Variants in PXDNL observed in about 807,000 individuals in gnomAD.
The protein encoded by PXDNL is probable oxidoreductase PXDNL.
Under a neutral mutation model 150.8 loss-of-function variants are expected in PXDNL, and 145 were observed. The observed-to-expected ratio is 0.96, with a 90% CI of 0.84 to 1.10. The LOEUF (loss-of-function observed/expected upper bound fraction) is 1.10. PXDNL is among the 50% of genes least tolerant of loss of function. The pLI is 0.00. For missense variants in PXDNL, 2,087 were observed against 1,873.9 expected, an observed-to-expected ratio of 1.11 and a Z score of -2.10; for synonymous variants, 757 against 725.7, an observed-to-expected ratio of 1.04 and a Z score of -0.69.
chr8:51,426,711 C>T lies in PXDNL; in HGVS notation c.1573G>A (p.Gly525Arg), dbSNP rs749284191. 6 of 1,607,376 alleles carry T rather than the reference C, an allele frequency of 3.7e-6. No individual in the cohort carries two copies. The highest frequency in any genetic ancestry group is 5.1e-6 in the Non-Finnish European group (6 of 1,176,382). ...TGACATGAAATGTTTATATTCTTTC[C>T]AACCTCGACACTTGTATCCTGAGGA... is the stretch of plus-strand genomic sequence containing the variant. ...QLPQDTSVEV[G>R]KNINISCHAQ... The change falls in exon 13 of 23, where the codon GGA (glycine) becomes AGA (arginine). Residue 525 changes from glycine to arginine, a missense_variant. Transcript: ENST00000356297.
At chr8:51,666,356 C>T (rs1450988339) in intron 1 of PXDNL, among the ~76,000 whole-genome samples, 3 of 152,130 alleles carry the variant, frequency 2.0e-5, no homozygotes, top group African/African-American at 7.2e-5. Flanking sequence ...CAATTCCATC[C>T]ACTGTTTGGT....
At chr8:51,590,938 G>A (rs1395652998) in intron 3 of PXDNL, among the ~76,000 whole-genome samples, 4 of 152,174 alleles carry the variant, frequency 2.6e-5, no homozygotes, top group African/African-American at 9.7e-5. Flanking sequence ...CGAAGAGGCA[G>A]AATGCTACAG....
At chr8:51,399,543 G>A (rs547248432) in intron 17 of PXDNL, among the ~76,000 whole-genome samples, 3 of 152,300 alleles carry the variant, frequency 2.0e-5, no homozygotes, top group African/African-American at 7.2e-5. Context: ...TACAGTGAGA[G>A]GAATCCAATA....
intron 1 of PXDNL, among the ~76,000 whole-genome samples, chr8:51,787,804 A>G (rs1430292434): frequency 6.6e-6 from 1 of 152,248 alleles, no homozygotes; most frequent in Non-Finnish European, 1.5e-5. Context: ...GTAAAATGCT[A>G]TCAGACAGCC....
chr8:51,637,254 A>C (rs1351790584), intron 2 of PXDNL, among the ~76,000 whole-genome samples: 1 of 152,198 alleles, frequency 6.6e-6, no homozygotes, highest in Non-Finnish European at 1.5e-5. Context: ...TGGGGAAAAA[A>C]ACAGAGCAGA....
chr8:51,645,724 A>T (rs759635798), intron 2 of PXDNL, among the ~76,000 whole-genome samples: 29 of 152,246 alleles, frequency 1.9e-4, no homozygotes, highest in Non-Finnish European at 3.7e-4. Flanking sequence ...GGAGAAATTT[A>T]CAGGAGGAGC....
At chr8:51,739,589 A>G (rs2036881520) in intron 1 of PXDNL, among the ~76,000 whole-genome samples, 1 of 152,150 alleles carries the variant, frequency 6.6e-6, no homozygotes, top group African/African-American at 2.4e-5. Flanking sequence ...TAAGATAAAT[A>G]CACAAAAATC....
intron 3 of PXDNL, among the ~76,000 whole-genome samples, chr8:51,583,597 T>C (rs1223498728): frequency 6.6e-6 from 1 of 152,186 alleles, no homozygotes; most frequent in Non-Finnish European, 1.5e-5. Flanking sequence ...AAATGAATAA[T>C]GTTCCTCTAC....
intron 19 of PXDNL, among the ~76,000 whole-genome samples, chr8:51,364,888 C>G (rs1806866680): frequency 6.6e-6 from 1 of 152,134 alleles, no homozygotes; most frequent in South Asian, 2.1e-4. Flanking sequence ...ATGATAGGCT[C>G]TTATAGCAGA....
rs1563307071 is a variant in PXDNL at position 51,744,059 on chromosome 8, AAGGAAGGAAGGAAG to A, written c.164+65108_164+65121del. Among the ~76,000 whole-genome samples, 454 of 71,112 alleles carry A rather than the reference AAGGAAGGAAGGAAG, an allele frequency of 6.4e-3. 20 individuals are homozygous for A. Among genetic ancestry groups the A allele is most frequent in the Non-Finnish European group, 1.0e-2 (316 of 31,702 alleles). 46.7% of individuals were successfully genotyped at this position (71,112 alleles called of 152,430 possible). A position where few individuals can be genotyped will look rare whatever the true frequency, so the allele number is the denominator to read the frequency against. On this transcript the variant is annotated intron_variant, in intron 1 of 22. Transcript: ENST00000356297. ...GAAGGAAGGAAGGAAGGAAGGAAGG[AAGGAAGGAAGGAAG>A]GAAGGAAGGAAGGAAGGAAGGAAAG...
intron 17 of PXDNL, among the ~76,000 whole-genome samples, chr8:51,403,624 T>C (rs914938425): frequency 6.6e-6 from 1 of 152,214 alleles, no homozygotes; most frequent in Non-Finnish European, 1.5e-5. Context: ...ACCCTACTTC[T>C]CATGTATCTC....
intron 1 of PXDNL, among the ~76,000 whole-genome samples, chr8:51,689,008 C>T (rs939057553): frequency 6.6e-6 from 1 of 152,158 alleles, no homozygotes; most frequent in African/African-American, 2.4e-5. Context: ...GTCTCCCTTG[C>T]CACGCCATTA....
At chr8:51,352,788 C>T (rs1205340214) in intron 19 of PXDNL, among the ~76,000 whole-genome samples, 1 of 152,132 alleles carries the variant, frequency 6.6e-6, no homozygotes, top group Admixed American at 6.5e-5. Flanking sequence ...AGAGTGAAAT[C>T]ATGTCTTTTT....
intron 1 of PXDNL, among the ~76,000 whole-genome samples, chr8:51,762,024 A>G (rs2037171235): frequency 6.6e-6 from 1 of 152,220 alleles, no homozygotes. Context: ...TAAAACAATG[A>G]GTAAATAGGA....
chr8:51,800,664 AAAT>A, intron 1 of PXDNL, among the ~76,000 whole-genome samples: 1 of 152,242 alleles, frequency 6.6e-6, no homozygotes, highest in Non-Finnish European at 1.5e-5. Flanking sequence ...TCAGTTCCCA[AAAT>A]TAATACTTTC....
intron 14 of PXDNL, among the ~76,000 whole-genome samples, chr8:51,422,688 T>C (rs1450358746): frequency 2.0e-5 from 3 of 152,214 alleles, no homozygotes; most frequent in Non-Finnish European, 2.9e-5. Flanking sequence ...AAAATAGCAC[T>C]CCAGATGCTT....
chr8:51,517,377 T>C (rs2915508), intron 4 of PXDNL, among the ~76,000 whole-genome samples: 3,144 of 152,228 alleles, frequency 0.021, 40 homozygotes, highest in Middle Eastern at 0.041. Context: ...AAAATATTAG[T>C]GTATACTGTG....
In PXDNL at chr8:51,376,725, C is replaced by T. The variant is rs950817018; in HGVS notation, c.3558-1994G>A. Among the ~76,000 whole-genome samples the T allele has an allele frequency of 2.9e-3, 410 of 143,536 alleles. 1 individual carries two copies. Among genetic ancestry groups the T allele is most frequent in the African/African-American group, 0.01 (400 of 39,062 alleles). 94.2% of individuals were successfully genotyped at this position (143,536 alleles called of 152,430 possible). A position where few individuals can be genotyped will look rare whatever the true frequency, so the allele number is the denominator to read the frequency against. On this transcript the variant is annotated intron_variant, in intron 17 of 22. Transcript: ENST00000356297. ...TTTTGCTTCTCTTCTCTCTCTCTCT[C>T]TTTTTTTTTTTTATACGGAGTCTTA...
chr8:51,322,968 A>G (rs1254363557), intron 21 of PXDNL, among the ~76,000 whole-genome samples: 1 of 152,178 alleles, frequency 6.6e-6, no homozygotes, highest in African/African-American at 2.4e-5. Flanking sequence ...AGCAGTGAGA[A>G]TGGAGAGGAT....
Sources: gnomAD v4.1 joint callset for allele counts (sites outside exome capture counted in the v4.1 genomes callset) on GRCh38, gnomAD v4.1.1 for gene constraint, MANE v1.5 for transcripts, NCBI Gene and HGNC (gene_info 2026-07-23, HGNC 2026-07-21) for gene names.